The following IFIH1 variants were observed in gnomAD, a reference collection of about 807,000 sequenced individuals.
IFIH1 encodes interferon-induced helicase C domain-containing protein 1.
IFIH1 carries 125 observed loss-of-function variants against 107.4 expected under a neutral mutation model. The ratio of observed to expected loss-of-function variants is 1.16; its 90% CI spans 1.01 to 1.35. The LOEUF (loss-of-function observed/expected upper bound fraction) is 1.35, where lower values mean the gene tolerates loss of function less well. IFIH1 is among the 40% of genes most tolerant of loss of function. IFIH1 has a pLI of 0.00. For synonymous variants in IFIH1, 458 were observed against 413.2 expected (o/e 1.11, Z -1.31); for missense variants, 1,333 against 1,213.7 (o/e 1.10, Z -1.46).
chr2:162,297,307 T>C (rs1683108505), intron 3 of IFIH1, among the ~76,000 whole-genome samples: 1 of 152,184 alleles, frequency 6.6e-6, no homozygotes, highest in Non-Finnish European at 1.5e-5. Flanking sequence ...TATGTCAGTC[T>C]GGATTTAAGT....
At chr2:162,284,496 A>G (rs1682864607) in intron 5 of IFIH1, among the ~76,000 whole-genome samples, 1 of 151,982 alleles carries the variant, frequency 6.6e-6, no homozygotes, top group Non-Finnish European at 1.5e-5. Context: ...CTTCCACGAT[A>G]TTTCACCAAT....
intron 4 of IFIH1, among the ~76,000 whole-genome samples, chr2:162,290,119 T>C (rs1682970586): frequency 1.3e-5 from 2 of 152,016 alleles, no homozygotes; most frequent in Non-Finnish European, 1.5e-5. Context: ...TAAATTTTTG[T>C]TTGATCTAGG....
chr2:162,289,260 T>G (rs1035336212), intron 4 of IFIH1, among the ~76,000 whole-genome samples: 1 of 151,706 alleles, frequency 6.6e-6, no homozygotes, highest in African/African-American at 2.4e-5. Context: ...AAATTTAAAA[T>G]ACTGATAAAA....
At chr2:162,273,087 C>T (rs1691076800) in intron 12 of IFIH1, among the ~76,000 whole-genome samples, 1 of 152,104 alleles carries the variant, frequency 6.6e-6, no homozygotes, top group African/African-American at 2.4e-5. Context: ...TTATCTTAGT[C>T]TTCTATGACT....
intron 1 of IFIH1, among the ~76,000 whole-genome samples, chr2:162,311,260 T>C (rs1393805909): frequency 6.6e-6 from 1 of 152,222 alleles, no homozygotes; most frequent in South Asian, 2.1e-4. Context: ...GAATAAAGGA[T>C]AGAAGAGAAA....
At chr2:162,275,574 A>C (rs971295270) in intron 11 of IFIH1, among the ~76,000 whole-genome samples, 3 of 152,208 alleles carry the variant, frequency 2.0e-5, no homozygotes, top group Non-Finnish European at 4.4e-5. Flanking sequence ...GTGCATGTAG[A>C]GGGTATATAA....
chr2:162,268,643 G>C (rs1366146803), intron 13 of IFIH1, among the ~76,000 whole-genome samples: 1 of 152,066 alleles, frequency 6.6e-6, no homozygotes, highest in Admixed American at 6.5e-5. Flanking sequence ...AGGCTGGAGT[G>C]TGTTGGTACT....
chr2:162,282,726 T>C (rs1428966720), intron 5 of IFIH1, 150 bp from the exon 6 acceptor site: 2 of 602,850 alleles, frequency 3.3e-6, no homozygotes, highest in South Asian at 2.0e-5. Flanking sequence ...ACTCCTTTCA[T>C]TCATCTGTCA....
At chr2:162,268,308 C>T in intron 13 of IFIH1, 31 bp from the exon 14 acceptor site, 2 of 1,468,764 alleles carry the variant, frequency 1.4e-6, no homozygotes, top group Non-Finnish European at 1.9e-6. Context: ...TTAGTGGTTT[C>T]AGGTTTGTTT....
chr2:162,282,221 C>T, intron 6 of IFIH1, 145 bp downstream of exon 6: 1 of 551,828 alleles, frequency 1.8e-6, no homozygotes. Flanking sequence ...TTTTTGTTTC[C>T]TCCAGGAAGT....
intron 3 of IFIH1, among the ~76,000 whole-genome samples, chr2:162,296,196 T>G (rs944217460): frequency 3.9e-5 from 6 of 152,114 alleles, no homozygotes; most frequent in Admixed American, 1.3e-4. Flanking sequence ...AGCTTTGTTC[T>G]AACATCCGTA....
chr2:162,270,957 G>A (rs1284918687), intron 13 of IFIH1, among the ~76,000 whole-genome samples: 1 of 152,156 alleles, frequency 6.6e-6, no homozygotes, highest in African/African-American at 2.4e-5. Context: ...TTAAGGTAGA[G>A]CCAATTCCAA....
At position 162,278,291 on chromosome 2, in the gene IFIH1, C is replaced by A. The variant is rs1558866429; in HGVS notation, c.1679G>T (p.Arg560Met). Residue 560 changes from arginine to methionine, a missense_variant, in exon 9 of 16, where the codon AGG becomes ATG. Transcript: ENST00000649979. ...FKEKLLEIMT[R>M]IQTYCQMSPM... Reference sequence around the variant, plus strand: ...ACTCATTTGACAATAAGTTTGAATCCTTGTCATTATTTCTAGAAGTTTCTC... The same window carrying A: ...ACTCATTTGACAATAAGTTTGAATCATTGTCATTATTTCTAGAAGTTTCTC... 1 of 1,494,816 alleles carries A rather than the reference C, an allele frequency of 6.7e-7. No individual in the cohort carries two copies. The highest frequency in any genetic ancestry group is 9.3e-7 in the Non-Finnish European group (1 of 1,080,156). 92.6% of individuals were successfully genotyped at this position (1,494,816 alleles called of 1,614,324 possible).
At chr2:162,300,608 C>G (rs1220036249) in intron 3 of IFIH1, among the ~76,000 whole-genome samples, 1 of 152,170 alleles carries the variant, frequency 6.6e-6, no homozygotes, top group African/African-American at 2.4e-5. Context: ...CTCTTTCTCT[C>G]AGCTCAAATT....
chr2:162,318,058 G>A lies in IFIH1; in HGVS notation c.250C>T (p.Arg84Trp). The change falls in exon 1 of 16, where the codon CGG (arginine) becomes TGG (tryptophan). Residue 84 changes from arginine (R) to tryptophan (W), a missense_variant. Physicochemically the swap from Arg to Trp is moderately radical, Grantham distance 101. Coordinates refer to ENST00000649979, the MANE Select transcript of IFIH1 (RefSeq NM_022168.4). ...GWTREFVEAL[R>W]RTGSPLAARY... is the part of the protein sequence containing the mutation. ...GCGGCCAGAGGGCTGCCGGTTCTCC[G>A]GAGGGCCTCCACGAATTCCCGAGTC... 5 of 1,614,176 alleles carry A rather than the reference G, an allele frequency of 3.1e-6. No homozygotes were observed. Among genetic ancestry groups the A allele is most frequent in the Non-Finnish European group, 4.2e-6 (5 of 1,180,038 alleles).
chr2:162,271,485 A>G (rs1691038256), intron 13 of IFIH1, among the ~76,000 whole-genome samples: 4 of 152,028 alleles, frequency 2.6e-5, no homozygotes, highest in Admixed American at 2.6e-4. Flanking sequence ...GAGGGATAGC[A>G]TTAAGAGAAA....
chr2:162,317,850 C>G lies in IFIH1; in HGVS notation c.453+5G>C, dbSNP rs548027236. The G allele has an allele frequency of 8.9e-5, 139 of 1,564,494 alleles. 2 individuals are homozygous for G. The South Asian group carries it at 1.6e-3, about 18-fold the overall frequency. ...AAGGCTAGCTCCATCTGAACAGACA[C>G]CTACCCGGTTTCTGTCTTCAATTGT... On this transcript the variant is annotated splice_donor_5th_base_variant and intron_variant, in intron 1 of 15. Coordinates refer to ENST00000649979, the MANE Select transcript of IFIH1 (RefSeq NM_022168.4).
chr2:162,306,849 T>G lies in IFIH1; in HGVS notation c.629A>C (p.Glu210Ala), dbSNP rs1309769796. Residue 210 changes from glutamate (E) to alanine (A), a missense_variant, in exon 3 of 16, where the codon GAG (glutamate) becomes GCG (alanine). Coordinates refer to ENST00000649979, the MANE Select transcript of IFIH1 (RefSeq NM_022168.4). ...AGGACCATCAACTTGTGATAAATTCTCAATCTCTGTGAATAACAGTATTAG... is the reference window on the plus strand; with the variant it reads ...AGGACCATCAACTTGTGATAAATTCGCAATCTCTGTGAATAACAGTATTAG... ...SDCSESNAEI[E>A]NLSQVDGPQV... is the part of the protein sequence containing the mutation. The G allele has an allele frequency of 1.2e-6, 2 of 1,613,536 alleles. No individual in the cohort carries two copies. Among genetic ancestry groups the G allele is most frequent in the Non-Finnish European group, 1.7e-6 (2 of 1,179,576 alleles).
Position 162,318,079 on chromosome 2 carries a change from G to A in IFIH1, c.229C>T (p.Arg77Trp), listed in dbSNP as rs147278787. The change falls in exon 1 of 16, where the codon CGG (arginine) becomes TGG (tryptophan). Residue 77 changes from arginine (R) to tryptophan (W), a missense_variant. Coordinates refer to ENST00000649979, the MANE Select transcript of IFIH1 (RefSeq NM_022168.4). ...CTCCGGAGGGCCTCCACGAATTCCC[G>A]AGTCCAACCAAGGTGCCAGACTCCC... ...EKGVWHLGWT[R>W]EFVEALRRTG... 1,014 of 1,614,152 alleles carry A rather than the reference G, an allele frequency of 6.3e-4. 4 individuals carry two copies. Among genetic ancestry groups the A allele is most frequent in the East Asian group, 2.8e-3 (124 of 44,870 alleles).
Sources: allele counts gnomAD v4.1 joint callset (sites outside exome capture counted in the v4.1 genomes callset), GRCh38; gene constraint gnomAD v4.1.1; transcripts MANE v1.5; gene names NCBI Gene and HGNC (gene_info 2026-07-23, HGNC 2026-07-21).